APP: variants seen among roughly 807,000 people sequenced by gnomAD.
APP encodes amyloid-beta precursor protein.
A neutral mutation model predicts 101.4 loss-of-function variants in APP; 31 were observed. That is an observed-to-expected ratio of 0.31 (90% CI 0.23 to 0.41). The LOEUF (loss-of-function observed/expected upper bound fraction) is 0.41. APP is among the 10% of genes least tolerant of loss of function. APP has a pLI of 1.00. For missense variants in APP, 839 were observed against 1,003.7 expected (o/e 0.84, Z 2.22); for synonymous variants, 366 against 364.4 (o/e 1.00, Z -0.05).
intron 3 of APP, among the ~76,000 whole-genome samples, chr21:26,059,110 A>T (rs1433163161): frequency 1.3e-5 from 2 of 151,940 alleles, no homozygotes; most frequent in Non-Finnish European, 2.9e-5. Flanking sequence ...AAGACATTAA[A>T]ATAAAAAAAA....
intron 16 of APP, among the ~76,000 whole-genome samples, chr21:25,895,489 A>G (rs879431937): frequency 1.6e-4 from 25 of 152,292 alleles, no homozygotes; most frequent in Admixed American, 1.6e-3. Context: ...TGTACTGGGA[A>G]GCCAAAAAAT....
At chr21:26,140,114 C>T in intron 1 of APP, 1 of 1,391,832 alleles carries the variant, frequency 7.2e-7, no homozygotes, top group Non-Finnish European at 9.8e-7. Context: ...TACCCAAATA[C>T]AGACTAAAAA....
At chr21:26,025,690 T>C (rs2044538830) in intron 5 of APP, among the ~76,000 whole-genome samples, 1 of 152,216 alleles carries the variant, frequency 6.6e-6, no homozygotes, top group African/African-American at 2.4e-5. Flanking sequence ...ATGCCCATCA[T>C]CCATCCCTGC....
intron 5 of APP, among the ~76,000 whole-genome samples, chr21:26,041,762 G>A (rs558352254): frequency 1.4e-3 from 215 of 152,058 alleles, no homozygotes; most frequent in Non-Finnish European, 2.6e-3. Flanking sequence ...TCTGTAATCT[G>A]CTTAAGGCTA....
chr21:25,907,083 T>C (rs952003066), intron 14 of APP, among the ~76,000 whole-genome samples: 9 of 152,202 alleles, frequency 5.9e-5, no homozygotes, highest in Non-Finnish European at 8.8e-5. Context: ...CGTATACTTA[T>C]GTGAAAGAAA....
intron 13 of APP, among the ~76,000 whole-genome samples, chr21:25,915,173 T>A (rs764209057): frequency 6.6e-6 from 1 of 152,222 alleles, no homozygotes; most frequent in Non-Finnish European, 1.5e-5. Flanking sequence ...CACCTCTCTC[T>A]CAGGCTAAAT....
chr21:26,160,859 G>A (rs1198547267), intron 1 of APP, among the ~76,000 whole-genome samples: 1 of 151,978 alleles, frequency 6.6e-6, no homozygotes, highest in African/African-American at 2.4e-5. Flanking sequence ...TCTTTTTGCA[G>A]GCCAACTGAA....
At chr21:25,989,423 A>G (rs1167363582) in intron 8 of APP, among the ~76,000 whole-genome samples, 1 of 152,236 alleles carries the variant, frequency 6.6e-6, no homozygotes, top group Non-Finnish European at 1.5e-5. Flanking sequence ...TCATTTTGAT[A>G]TGCATTTGTT....
chr21:26,127,259 T>C (rs2062703993), intron 1 of APP, among the ~76,000 whole-genome samples: 1 of 151,848 alleles, frequency 6.6e-6, no homozygotes, highest in Non-Finnish European at 1.5e-5. Flanking sequence ...AGCAAGACAA[T>C]GCACTCATAA....
At chr21:26,038,476 T>C (rs1476529165) in intron 5 of APP, among the ~76,000 whole-genome samples, 1 of 152,006 alleles carries the variant, frequency 6.6e-6, no homozygotes, top group Non-Finnish European at 1.5e-5. Flanking sequence ...AAGAAAAAAA[T>C]CACCCCAGCT....
intron 13 of APP, among the ~76,000 whole-genome samples, chr21:25,936,611 G>A (rs2040374968): frequency 6.6e-6 from 1 of 152,236 alleles, no homozygotes; most frequent in African/African-American, 2.4e-5. Context: ...GTGAGGACAT[G>A]ATGCGTAGGT....
intron 2 of APP, among the ~76,000 whole-genome samples, chr21:26,107,380 C>A (rs1412010629): frequency 6.6e-6 from 1 of 152,200 alleles, no homozygotes; most frequent in Admixed American, 6.5e-5. Context: ...TACAGTTCAT[C>A]TCATTAATGA....
intron 13 of APP, among the ~76,000 whole-genome samples, chr21:25,924,421 A>AAAG (rs1328854957): frequency 9.3e-6 from 1 of 107,380 alleles, no homozygotes; most frequent in Non-Finnish European, 2.0e-5. Flanking sequence ...CAAAAAAAAA[A>AAAG]AAAAAAGGAA....
chr21:26,103,866 T>C (rs924107293), intron 2 of APP, among the ~76,000 whole-genome samples: 5 of 152,198 alleles, frequency 3.3e-5, no homozygotes, highest in Non-Finnish European at 4.4e-5. Flanking sequence ...TCACAACACT[T>C]TGGGTCTGTA....
chr21:25,914,615 G>A (rs967320153), intron 13 of APP, among the ~76,000 whole-genome samples: 2 of 148,128 alleles, frequency 1.4e-5, no homozygotes, highest in African/African-American at 2.5e-5. Context: ...GTGCAGTGGC[G>A]CAATCTCGGC....
At chr21:25,890,245 AC>A (rs1294358289) in intron 17 of APP, among the ~76,000 whole-genome samples, 7 of 152,030 alleles carry the variant, frequency 4.6e-5, no homozygotes, top group African/African-American at 1.7e-4. Flanking sequence ...ATGAGGCTCC[AC>A]CCCAATTTCC....
At chr21:25,902,215 G>C (rs2038537328) in intron 15 of APP, among the ~76,000 whole-genome samples, 1 of 152,194 alleles carries the variant, frequency 6.6e-6, no homozygotes, top group South Asian at 2.1e-4. Context: ...GAGGACAACA[G>C]TGATTATTCA....
At chr21:25,909,422 A>C (rs1391740229) in intron 14 of APP, among the ~76,000 whole-genome samples, 1 of 152,190 alleles carries the variant, frequency 6.6e-6, no homozygotes, top group African/African-American at 2.4e-5. Flanking sequence ...TTGTTATACC[A>C]GATTCTACTG....
chr21:25,985,696 C>G (rs2042611501), intron 8 of APP, among the ~76,000 whole-genome samples: 1 of 152,036 alleles, frequency 6.6e-6, no homozygotes, highest in Non-Finnish European at 1.5e-5. Flanking sequence ...TCCTATTGGT[C>G]CTGTTTCTCT....
Sources: gnomAD v4.1 joint callset for allele counts (sites outside exome capture counted in the v4.1 genomes callset) on GRCh38, gnomAD v4.1.1 for gene constraint, MANE v1.5 for transcripts, NCBI Gene and HGNC (gene_info 2026-07-23, HGNC 2026-07-21) for gene names.